The following HECW1 variants were observed in gnomAD, a reference collection of about 807,000 sequenced individuals.
HECW1 encodes the protein E3 ubiquitin-protein ligase HECW1.
In HECW1, 61 loss-of-function variants were observed where a neutral mutation model predicts 182.3. That is an observed-to-expected ratio of 0.33 (90% CI 0.27 to 0.41). HECW1 has a LOEUF of 0.41. Ranked by LOEUF, HECW1 falls within the 10% of genes least tolerant of loss-of-function variation. The pLI, the probability that HECW1 is intolerant of heterozygous loss-of-function variation, is 1.00. For missense variants in HECW1, 1,739 were observed against 2,108.9 expected, an observed-to-expected ratio of 0.82 and a Z score of 3.44; for synonymous variants, 859 against 832.6, an observed-to-expected ratio of 1.03 and a Z score of -0.55.
chr7:43,552,818 CA>C (rs1287167451), intron 28 of HECW1, among the ~76,000 whole-genome samples: 1 of 152,196 alleles, frequency 6.6e-6, no homozygotes, highest in African/African-American at 2.4e-5. Context: ...TTGAAGACTA[CA>C]AAAAGCTTGG....
chr7:43,353,436 A>G (rs1814703877), intron 5 of HECW1, among the ~76,000 whole-genome samples: 1 of 152,184 alleles, frequency 6.6e-6, no homozygotes, highest in African/African-American at 2.4e-5. Flanking sequence ...GTCCATTTCC[A>G]AAAGGGTAGT....
At chr7:43,300,542 T>C (rs777928890) in intron 3 of HECW1, among the ~76,000 whole-genome samples, 22 of 152,134 alleles carry the variant, frequency 1.4e-4, no homozygotes, top group Non-Finnish European at 2.8e-4. Context: ...GTATGAAATG[T>C]AGGAGAGAGA....
At chr7:43,244,013 C>T in intron 3 of HECW1, 81 bp downstream of exon 3, 2 of 1,129,530 alleles carry the variant, frequency 1.8e-6, no homozygotes, top group Non-Finnish European at 2.7e-6. Context: ...GAATGTGCCT[C>T]AGCCTAGGGC....
intron 5 of HECW1, among the ~76,000 whole-genome samples, chr7:43,323,260 G>A (rs1397942157): frequency 6.6e-6 from 1 of 152,088 alleles, no homozygotes; most frequent in Non-Finnish European, 1.5e-5. Context: ...TCATATAATT[G>A]TCCTCATGGG....
At position 43,218,644 on chromosome 7, in the gene HECW1, T is replaced by G. The variant is rs559411553; in HGVS notation, c.-31-25231T>G. Among the ~76,000 whole-genome samples, 11 of 152,298 alleles carry G rather than the reference T, an allele frequency of 7.2e-5. No homozygotes were observed. The East Asian group carries it at 2.1e-3, about 29-fold the overall frequency. On this transcript the variant is annotated intron_variant, in intron 2 of 29. Coordinates refer to ENST00000395891, the MANE Select transcript of HECW1 (RefSeq NM_015052.5). ...TACCTAGGGTGTTTTACTCATGGGC[T>G]GATAAAGCCACCCTCATCTTCTGGA...
intron 2 of HECW1, among the ~76,000 whole-genome samples, chr7:43,170,326 A>G (rs565418194): frequency 6.6e-6 from 1 of 152,296 alleles, no homozygotes; most frequent in Non-Finnish European, 1.5e-5. Flanking sequence ...CAATAAATGT[A>G]AAGTTCTTGA....
At chr7:43,550,632 G>A (rs1334381008) in intron 27 of HECW1, 41 bp downstream of exon 27, 1 of 1,555,346 alleles carries the variant, frequency 6.4e-7, no homozygotes, top group Non-Finnish European at 8.7e-7. Context: ...TGTGGCCAGG[G>A]TGCTGCTTCA....
At chr7:43,489,083 G>A (rs2078831202) in intron 17 of HECW1, among the ~76,000 whole-genome samples, 1 of 152,124 alleles carries the variant, frequency 6.6e-6, no homozygotes, top group South Asian at 2.1e-4. Context: ...TCATTTCTGG[G>A]TGATGCCCTG....
At chr7:43,260,588 G>A (rs1006833089) in intron 3 of HECW1, among the ~76,000 whole-genome samples, 1 of 152,254 alleles carries the variant, frequency 6.6e-6, no homozygotes, top group Non-Finnish European at 1.5e-5. Context: ...AGAGGCACCA[G>A]AGTAGCTGAG....
intron 7 of HECW1, among the ~76,000 whole-genome samples, chr7:43,406,397 A>G (rs1329176921): frequency 6.6e-6 from 1 of 152,224 alleles, no homozygotes; most frequent in Non-Finnish European, 1.5e-5. Context: ...AGTAGGAATA[A>G]TTTTATTAAG....
chr7:43,274,389 C>A, intron 3 of HECW1: 1 of 635,872 alleles, frequency 1.6e-6, no homozygotes, highest in Non-Finnish European at 2.8e-6. Flanking sequence ...GGGTAAAGAA[C>A]TTCAGCGTCT....
chr7:43,453,391 A>G (rs576989873), intron 12 of HECW1, among the ~76,000 whole-genome samples: 1 of 152,282 alleles, frequency 6.6e-6, no homozygotes, highest in African/African-American at 2.4e-5. Flanking sequence ...TAAGAGTTTC[A>G]ACCTACAAAG....
chr7:43,490,080 T>C (rs781621595), intron 17 of HECW1, among the ~76,000 whole-genome samples: 2 of 152,250 alleles, frequency 1.3e-5, no homozygotes, highest in Non-Finnish European at 2.9e-5. Flanking sequence ...GATGCCTTCA[T>C]ACTTTTGAGT....
At chr7:43,416,659 T>C (rs1384310941) in intron 8 of HECW1, among the ~76,000 whole-genome samples, 2 of 147,598 alleles carry the variant, frequency 1.4e-5, no homozygotes, top group African/African-American at 5.0e-5. Flanking sequence ...GATCTCAGAC[T>C]GCTGTGCTAG....
At chr7:43,145,913 C>T (rs1214570969) in intron 2 of HECW1, among the ~76,000 whole-genome samples, 8 of 152,158 alleles carry the variant, frequency 5.3e-5, no homozygotes, top group African/African-American at 9.7e-5. Flanking sequence ...TCTTGCTGAA[C>T]GGTGTTGGTT....
intron 6 of HECW1, among the ~76,000 whole-genome samples, chr7:43,367,455 A>G (rs1248490680): frequency 1.3e-5 from 2 of 152,248 alleles, no homozygotes; most frequent in Admixed American, 6.5e-5. Context: ...AAGAAGTTAT[A>G]CAGTACAATA....
intron 29 of HECW1, among the ~76,000 whole-genome samples, chr7:43,559,582 G>A (rs2082143558): frequency 6.6e-6 from 1 of 152,192 alleles, no homozygotes; most frequent in South Asian, 2.1e-4. Context: ...TTACAAGTGA[G>A]AAAACTGAGG....
At chr7:43,233,149 C>G (rs1227072416) in intron 2 of HECW1, among the ~76,000 whole-genome samples, 1 of 152,124 alleles carries the variant, frequency 6.6e-6, no homozygotes, top group African/African-American at 2.4e-5. Context: ...TGTTCAATAT[C>G]ACATCTGGAA....
chr7:43,545,365 A>G (rs1460105452), intron 26 of HECW1, among the ~76,000 whole-genome samples: 1 of 152,256 alleles, frequency 6.6e-6, no homozygotes, highest in Non-Finnish European at 1.5e-5. Context: ...GATACAGAAG[A>G]ACAATCCTCT....
Sources: allele counts gnomAD v4.1 joint callset (sites outside exome capture counted in the v4.1 genomes callset), GRCh38; gene constraint gnomAD v4.1.1; transcripts MANE v1.5; gene names NCBI Gene and HGNC (gene_info 2026-07-23, HGNC 2026-07-21).